ZNF423: variants seen among roughly 807,000 people sequenced by gnomAD.
ZNF423 encodes the protein Ebf-associated zinc finger protein.
A neutral mutation model predicts 95.8 loss-of-function variants in ZNF423; 12 were observed. The ratio of observed to expected loss-of-function variants is 0.13; its 90% CI spans 0.08 to 0.20. The LOEUF is 0.20. Ranked by LOEUF, ZNF423 falls within the 10% of genes least tolerant of loss-of-function variation. ZNF423 has a pLI of 1.00. For synonymous variants in ZNF423, 749 were observed against 711.9 expected, an observed-to-expected ratio of 1.05 and a Z score of -0.83; for missense variants, 1,316 against 1,737.1, an observed-to-expected ratio of 0.76 and a Z score of 4.31.
chr16:49,632,053 A>G (rs901193898), intron 4 of ZNF423, among the ~76,000 whole-genome samples: 1 of 152,094 alleles, frequency 6.6e-6, no homozygotes, highest in African/African-American at 2.4e-5. Context: ...TTGGCTGTAA[A>G]ATGGGTATGA....
intron 3 of ZNF423, among the ~76,000 whole-genome samples, chr16:49,707,339 C>T (rs1395932482): frequency 6.6e-6 from 1 of 152,182 alleles, no homozygotes; most frequent in African/African-American, 2.4e-5. Flanking sequence ...ATTTGTCAGG[C>T]ATGGTGGCTC....
intron 7 of ZNF423, among the ~76,000 whole-genome samples, chr16:49,523,231 C>T (rs1030794880): frequency 3.3e-5 from 5 of 152,220 alleles, no homozygotes; most frequent in African/African-American, 1.2e-4. Flanking sequence ...GGCCCCAGAC[C>T]TAACTCCTGT....
intron 2 of ZNF423, among the ~76,000 whole-genome samples, chr16:49,760,700 A>G (rs772316728): frequency 7.2e-5 from 11 of 152,038 alleles, no homozygotes; most frequent in Non-Finnish European, 1.5e-4. Flanking sequence ...CTGAGCAGAG[A>G]ATGAGGGAGG....
chr16:49,756,886 CAG>C (rs2033737877), intron 2 of ZNF423, among the ~76,000 whole-genome samples: 1 of 152,232 alleles, frequency 6.6e-6, no homozygotes, highest in African/African-American at 2.4e-5. Flanking sequence ...GAACAGGCCT[CAG>C]AACCCATGTC....
At chr16:49,786,910 T>A (rs955371964) in intron 2 of ZNF423, among the ~76,000 whole-genome samples, 1 of 152,218 alleles carries the variant, frequency 6.6e-6, no homozygotes, top group African/African-American at 2.4e-5. Context: ...CTCAGTTTAA[T>A]GAAAAGTATT....
chr16:49,811,027 G>A (rs2034743031), intron 1 of ZNF423, among the ~76,000 whole-genome samples: 1 of 152,156 alleles, frequency 6.6e-6, no homozygotes, highest in Admixed American at 6.5e-5. Flanking sequence ...CAGCCCAGAG[G>A]GGCAGGCTCA....
rs8045094 is a variant in ZNF423 at position 49,805,928 on chromosome 16, C to T, written c.41-16382G>A. ...AGTCCATCCAGGGTTGCAATGTGTGCGGAAAATTCCCTTTCTGGGGAACCG... is the reference window on the plus strand; with the variant it reads ...AGTCCATCCAGGGTTGCAATGTGTGTGGAAAATTCCCTTTCTGGGGAACCG... On this transcript the variant is annotated intron_variant, in intron 1 of 7. Transcript: ENST00000563137. 3.2e-3 allele frequency among the ~76,000 whole-genome samples: 484 copies of T among 152,344 alleles called. 1 individual carries two copies. The highest frequency in any genetic ancestry group is 0.011 in the African/African-American group (453 of 41,588).
chr16:49,755,419 A>C (rs539538955), intron 2 of ZNF423, among the ~76,000 whole-genome samples: 1 of 152,306 alleles, frequency 6.6e-6, no homozygotes, highest in South Asian at 2.1e-4. Flanking sequence ...GTTCACAAGG[A>C]AAGTTCATTT....
At chr16:49,606,431 A>G (rs1971538929) in intron 5 of ZNF423, among the ~76,000 whole-genome samples, 1 of 152,144 alleles carries the variant, frequency 6.6e-6, no homozygotes, top group Non-Finnish European at 1.5e-5. Flanking sequence ...AAATAGGGTA[A>G]CCAGCAAAGT....
chr16:49,679,811 G>A (rs1250230192), intron 3 of ZNF423, among the ~76,000 whole-genome samples: 1 of 152,216 alleles, frequency 6.6e-6, no homozygotes, highest in Non-Finnish European at 1.5e-5. Context: ...GTCAGTTCCA[G>A]GTGGAGTCCC....
intron 3 of ZNF423, among the ~76,000 whole-genome samples, chr16:49,652,517 G>C (rs1020937961): frequency 5.9e-5 from 9 of 152,248 alleles, no homozygotes; most frequent in African/African-American, 2.2e-4. Context: ...GCTCCGGAAG[G>C]TTCTCCTGCC....
At chr16:49,545,381 G>A (rs1054410788) in intron 5 of ZNF423, among the ~76,000 whole-genome samples, 11 of 152,090 alleles carry the variant, frequency 7.2e-5, no homozygotes, top group South Asian at 2.1e-4. Flanking sequence ...AGGAGGCGCC[G>A]GGCAGGCTTG....
chr16:49,565,209 C>A (rs1970151655), intron 5 of ZNF423, among the ~76,000 whole-genome samples: 1 of 152,208 alleles, frequency 6.6e-6, no homozygotes, highest in Non-Finnish European at 1.5e-5. Flanking sequence ...CTTTTCAGTG[C>A]AAACCCACAC....
At chr16:49,732,588 A>G (rs74771850) in intron 2 of ZNF423, among the ~76,000 whole-genome samples, 5,339 of 152,344 alleles carry the variant, frequency 0.035, 317 homozygotes, top group African/African-American at 0.12. Flanking sequence ...ATGTGTGTAC[A>G]TGCAACATCA....
intron 2 of ZNF423, among the ~76,000 whole-genome samples, chr16:49,789,104 A>G (rs1265216898): frequency 1.3e-5 from 2 of 152,158 alleles, no homozygotes; most frequent in Non-Finnish European, 2.9e-5. Context: ...AGGGAGGGAA[A>G]GAGGAATTCT....
At chr16:49,612,183 G>A (rs764452905) in intron 5 of ZNF423, among the ~76,000 whole-genome samples, 70 of 151,882 alleles carry the variant, frequency 4.6e-4, no homozygotes, top group Admixed American at 7.9e-4. Flanking sequence ...GACAGGACAA[G>A]AATAAAACTT....
intron 5 of ZNF423, among the ~76,000 whole-genome samples, chr16:49,576,950 G>C (rs921732036): frequency 6.6e-6 from 1 of 152,338 alleles, no homozygotes; most frequent in African/African-American, 2.4e-5. Context: ...TCCAGAATTT[G>C]GGGGCCAGAA....
At chr16:49,811,663 C>A (rs1222712694) in intron 1 of ZNF423, among the ~76,000 whole-genome samples, 1 of 152,160 alleles carries the variant, frequency 6.6e-6, no homozygotes, top group African/African-American at 2.4e-5. Context: ...CATTTCCGGG[C>A]CCAGAAGAGC....
At chr16:49,663,657 G>T (rs940928167) in intron 3 of ZNF423, among the ~76,000 whole-genome samples, 4 of 152,180 alleles carry the variant, frequency 2.6e-5, no homozygotes, top group African/African-American at 9.7e-5. Context: ...CCAGAGGCAG[G>T]CAAGCACTTG....
Sources: gnomAD v4.1 joint callset for allele counts (sites outside exome capture counted in the v4.1 genomes callset) on GRCh38, gnomAD v4.1.1 for gene constraint, MANE v1.5 for transcripts, NCBI Gene and HGNC (gene_info 2026-07-23, HGNC 2026-07-21) for gene names.